Variants in PAK3 observed in about 807,000 individuals in gnomAD.
PAK3 encodes the protein p21 (RAC1) activated kinase 3.
PAK3 carries 4 observed loss-of-function variants against 41.0 expected under a neutral mutation model. The observed-to-expected ratio is 0.10, with a 90% CI of 0.05 to 0.22. The LOEUF (loss-of-function observed/expected upper bound fraction) is 0.22, where lower values mean the gene tolerates loss of function less well. Ranked by LOEUF, PAK3 falls within the 10% of genes least tolerant of loss-of-function variation. PAK3 has a pLI of 1.00. For synonymous variants in PAK3, 146 were observed against 139.6 expected, an observed-to-expected ratio of 1.05 and a Z score of -0.32; for missense variants, 205 against 409.9, an observed-to-expected ratio of 0.50 and a Z score of 4.32.
At chrX:111,025,666 A>G (rs2092258742) in intron 1 of PAK3, among the ~76,000 whole-genome samples, 2 of 110,971 alleles carry the variant, frequency 1.8e-5, no homozygotes, top group African/African-American at 3.3e-5. Flanking sequence ...GCCAACAACA[A>G]AAAATGTCCA....
intron 1 of PAK3, among the ~76,000 whole-genome samples, chrX:111,049,878 C>T (rs191873401): frequency 6.0e-4 from 67 of 111,403 alleles, no homozygotes; most frequent in Non-Finnish European, 9.4e-5. Context: ...TGGTATAGAA[C>T]ATGCTGATTT....
intron 5 of PAK3, among the ~76,000 whole-genome samples, chrX:111,128,766 A>G (rs1250255388): frequency 8.9e-6 from 1 of 112,281 alleles, no homozygotes. Context: ...ACTTTTAAAA[A>G]TTGCCACTCA....
At chrX:111,007,645 TG>T (rs1468662818) in intron 1 of PAK3, among the ~76,000 whole-genome samples, 1 of 111,992 alleles carries the variant, frequency 8.9e-6, no homozygotes, top group Non-Finnish European at 1.9e-5. Flanking sequence ...GTCTCTCACT[TG>T]GAGGACCCTG....
intron 3 of PAK3, among the ~76,000 whole-genome samples, chrX:111,102,100 C>T (rs1055431174): frequency 9.0e-6 from 1 of 111,589 alleles, no homozygotes; most frequent in Admixed American, 9.4e-5. Context: ...TTCTGCTTTT[C>T]TTTGAGGACA....
chrX:110,986,724 G>T (rs184217127), intron 1 of PAK3, among the ~76,000 whole-genome samples: 3 of 109,360 alleles, frequency 2.7e-5, no homozygotes, highest in Non-Finnish European at 5.7e-5. Flanking sequence ...CCAAAAGAAA[G>T]GGGTCTTGAT....
intron 3 of PAK3, among the ~76,000 whole-genome samples, chrX:111,100,397 A>G (rs2093105111): frequency 9.0e-6 from 1 of 111,352 alleles, no homozygotes. Flanking sequence ...GACAATTTTA[A>G]GAGCTCCCCA....
intron 1 of PAK3, among the ~76,000 whole-genome samples, chrX:111,066,181 G>C (rs1474103056): frequency 9.0e-6 from 1 of 111,696 alleles, no homozygotes; most frequent in African/African-American, 3.2e-5. Flanking sequence ...TTTTTAGGTA[G>C]TTGGTTAGCA....
chrX:111,103,613 C>T (rs772171202), intron 4 of PAK3, among the ~76,000 whole-genome samples: 1 of 112,254 alleles, frequency 8.9e-6, no homozygotes, highest in African/African-American at 3.2e-5. Flanking sequence ...CAGTATAACA[C>T]AGACATGCTT....
intron 1 of PAK3, among the ~76,000 whole-genome samples, chrX:110,970,281 A>T (rs1355156255): frequency 1.8e-5 from 2 of 111,667 alleles, no homozygotes; most frequent in Non-Finnish European, 3.8e-5. Context: ...AATTTGTTTA[A>T]GTTCCTTGTA....
At chrX:110,973,498 A>G (rs1226012593) in intron 1 of PAK3, among the ~76,000 whole-genome samples, 4 of 111,944 alleles carry the variant, frequency 3.6e-5, no homozygotes, top group Non-Finnish European at 1.9e-5. Flanking sequence ...GAAATCCTTT[A>G]CAGACAAGCA....
At chrX:111,170,461 A>C (rs970521769) in intron 10 of PAK3, among the ~76,000 whole-genome samples, 1 of 111,190 alleles carries the variant, frequency 9.0e-6, no homozygotes, top group Non-Finnish European at 1.9e-5. Context: ...GGTCTAAATT[A>C]TGTTGTATAC....
At chrX:111,101,304 C>T (rs2093132743) in intron 3 of PAK3, among the ~76,000 whole-genome samples, 1 of 111,794 alleles carries the variant, frequency 8.9e-6, no homozygotes, top group African/African-American at 3.3e-5. Flanking sequence ...CAACACAACA[C>T]ACCCCCAGGC....
At chrX:111,211,505 G>A (rs1416706084) in intron 16 of PAK3, among the ~76,000 whole-genome samples, 1 of 109,121 alleles carries the variant, frequency 9.2e-6, no homozygotes, top group Non-Finnish European at 1.9e-5. Flanking sequence ...GTGAAACCCT[G>A]TCTCTACTAA....
intron 1 of PAK3, among the ~76,000 whole-genome samples, chrX:111,010,040 C>G (rs2091989335): frequency 8.9e-6 from 1 of 112,065 alleles, no homozygotes; most frequent in Admixed American, 9.4e-5. Flanking sequence ...TCATCCACTG[C>G]TAGACTTTAG....
intron 1 of PAK3, among the ~76,000 whole-genome samples, chrX:111,015,717 T>C (rs758711891): frequency 8.9e-6 from 1 of 112,390 alleles, no homozygotes; most frequent in Admixed American, 9.4e-5. Context: ...TAGAGCATCT[T>C]CTTTGTGCTT....
At chrX:111,103,930 A>G (rs1336939637) in intron 4 of PAK3, among the ~76,000 whole-genome samples, 2 of 111,674 alleles carry the variant, frequency 1.8e-5, no homozygotes, top group Admixed American at 9.4e-5. Context: ...TACTGCCTTA[A>G]ATAAGTCTTG....
intron 10 of PAK3, chrX:111,169,500 CGAGA>C (rs1032237697): frequency 2.8e-5 from 3 of 108,334 alleles, no homozygotes; most frequent in East Asian, 5.8e-4. Context: ...AGAACAAGGG[CGAGA>C]GAGAGAGAGA....
intron 11 of PAK3, among the ~76,000 whole-genome samples, chrX:111,178,799 T>C (rs944556236): frequency 2.7e-5 from 3 of 110,055 alleles, no homozygotes; most frequent in African/African-American, 9.9e-5. Context: ...GTAGGGTTTA[T>C]AAGAAGTTTT....
At chrX:111,117,734 A>G (rs901363766) in intron 4 of PAK3, among the ~76,000 whole-genome samples, 4 of 112,038 alleles carry the variant, frequency 3.6e-5, no homozygotes, top group African/African-American at 6.5e-5. Context: ...TACTTTACAC[A>G]TGTATTTAAT....
Sources: gnomAD v4.1 joint callset for allele counts (sites outside exome capture counted in the v4.1 genomes callset) on GRCh38, gnomAD v4.1.1 for gene constraint, MANE v1.5 for transcripts, NCBI Gene and HGNC (gene_info 2026-07-23, HGNC 2026-07-21) for gene names.